GSDMC: variants seen among roughly 807,000 people sequenced by gnomAD.
GSDMC encodes gasdermin C.
GSDMC carries 59 observed loss-of-function variants against 58.0 expected under a neutral mutation model. The ratio of observed to expected loss-of-function variants is 1.02; its 90% CI spans 0.82 to 1.26. GSDMC has a LOEUF of 1.26. GSDMC is among the 50% of genes most tolerant of loss of function. GSDMC has a pLI of 0.00. For synonymous variants in GSDMC, 241 were observed against 220.2 expected, an observed-to-expected ratio of 1.09 and a Z score of -0.83; for missense variants, 659 against 598.5, an observed-to-expected ratio of 1.10 and a Z score of -1.06.
intron 6 of GSDMC, among the ~76,000 whole-genome samples, chr8:129,758,637 T>C (rs1339649778): frequency 2.0e-5 from 3 of 152,012 alleles, no homozygotes; most frequent in East Asian, 1.9e-4. Context: ...AAATAAAACA[T>C]CTAGGAATTA....
intron 9 of GSDMC, 52 bp downstream of exon 9, chr8:129,751,810 C>A: frequency 1.9e-6 from 3 of 1,559,010 alleles, no homozygotes; most frequent in Non-Finnish European, 1.8e-6. Flanking sequence ...CTACTTACCC[C>A]ATGTGTGCAG....
chr8:129,707,618 A>C, the GSDMC span, among the ~76,000 whole-genome samples: 1 of 152,198 alleles, frequency 6.6e-6, no homozygotes, highest in Non-Finnish European at 1.5e-5. Flanking sequence ...AGAACAATGG[A>C]AACAGCTCAA....
chr8:129,740,530 G>A, the GSDMC span, among the ~76,000 whole-genome samples: 1 of 152,054 alleles, frequency 6.6e-6, no homozygotes, highest in Non-Finnish European at 1.5e-5. Flanking sequence ...GCTGTCTATA[G>A]TATTCAGTAC....
the GSDMC span, among the ~76,000 whole-genome samples, chr8:129,739,247 T>C: frequency 6.6e-6 from 1 of 152,128 alleles, no homozygotes; most frequent in Non-Finnish European, 1.5e-5. Context: ...AAGTATGCCA[T>C]GTGGCTGGAG....
rs780326163 is a variant in GSDMC, at chr8:129,752,132, T to C, written c.860A>G (p.Gln287Arg). ...TGGCAAATGCCCGCTCAAAAATTGCTGTGTCAGAAATAGCTCTGGAAAGAG... is the reference window on the plus strand; with the variant it reads ...TGGCAAATGCCCGCTCAAAAATTGCCGTGTCAGAAATAGCTCTGGAAAGAG... ...MKLKPELFLT[Q>R]QFLSGHLPKY... The change falls in exon 8 of 14, where the codon CAG (glutamine) becomes CGG (arginine). Residue 287 changes from glutamine to arginine, a missense_variant. Gln to Arg is a conservative substitution (Grantham distance 43, BLOSUM62 1). Coordinates refer to ENST00000276708, the MANE Select transcript of GSDMC (RefSeq NM_031415.3). 6.2e-7 allele frequency: 1 copy of C among 1,613,462 alleles called. No individual in the cohort carries two copies. The highest frequency in any genetic ancestry group is 1.7e-5 in the Admixed American group (1 of 60,008).
At chr8:129,721,687 C>A in the GSDMC span, among the ~76,000 whole-genome samples, 3 of 152,156 alleles carry the variant, frequency 2.0e-5, no homozygotes, top group Non-Finnish European at 4.4e-5. Context: ...ATATCACTCT[C>A]CATATTACTG....
At chr8:129,774,413 C>T (rs2034157127) in intron 3 of GSDMC, among the ~76,000 whole-genome samples, 1 of 151,722 alleles carries the variant, frequency 6.6e-6, no homozygotes, top group Admixed American at 6.6e-5. Flanking sequence ...AGATTAGAAA[C>T]CTGAATATAA....
intron 1 of GSDMC, among the ~76,000 whole-genome samples, chr8:129,780,937 TG>T (rs2034388300): frequency 3.1e-5 from 2 of 65,222 alleles, no homozygotes; most frequent in Admixed American, 4.0e-4. Flanking sequence ...TGTTTGTGTT[TG>T]TTTGTTTATG....
the GSDMC span, among the ~76,000 whole-genome samples, chr8:129,717,481 T>G: frequency 6.6e-6 from 1 of 151,992 alleles, no homozygotes; most frequent in Non-Finnish European, 1.5e-5. Context: ...AAGGAACTCT[T>G]CAAGGAGAAC....
intron 1 of GSDMC, among the ~76,000 whole-genome samples, chr8:129,781,950 C>T (rs556916577): frequency 3.7e-4 from 56 of 152,152 alleles, no homozygotes; most frequent in African/African-American, 3.4e-4. Context: ...CATTCTCAAG[C>T]GTAGACCATA....
At chr8:129,725,799 A>G in the GSDMC span, among the ~76,000 whole-genome samples, 2 of 152,210 alleles carry the variant, frequency 1.3e-5, no homozygotes, top group African/African-American at 4.8e-5. Context: ...AAGATTTTGA[A>G]TTATTTACCG....
At chr8:129,752,036 C>T (rs905746607) in intron 8 of GSDMC, 70 bp downstream of exon 8, 6 of 1,483,044 alleles carry the variant, frequency 4.0e-6, no homozygotes, top group Non-Finnish European at 5.7e-6. Flanking sequence ...TGGGTAATAG[C>T]ACCAAAGGCA....
intron 6 of GSDMC, 77 bp from the exon 7 acceptor site, chr8:129,752,897 G>C (rs948416684): frequency 1.9e-6 from 3 of 1,599,336 alleles, no homozygotes; most frequent in Non-Finnish European, 2.6e-6. Flanking sequence ...GCAGAGAGCA[G>C]AGCCAGGCTG....
intron 5 of GSDMC, among the ~76,000 whole-genome samples, chr8:129,762,169 T>G (rs923794871): frequency 6.6e-6 from 1 of 152,156 alleles, no homozygotes; most frequent in Non-Finnish European, 1.5e-5. Flanking sequence ...TAGATAAAAT[T>G]CTGACTTATG....
Position 129,748,590 on chromosome 8 carries a change from G to A in GSDMC, c.1438C>T (p.Pro480Ser), listed in dbSNP as rs755612165. Residue 480 changes from proline (P) to serine (S), a missense_variant, in exon 14 of 14, where the codon CCC (proline) becomes TCC (serine). Transcript: ENST00000276708. Reference protein sequence around the residue: ...ECGLRMELDNPRSTWDVEAKM... With the variant: ...ECGLRMELDNSRSTWDVEAKM... ...GCTTCTACATCCCAGGTTGACCTGGGGTTATCCAGCTCCATCCTAAGGCCA... is the reference window on the plus strand; with the variant it reads ...GCTTCTACATCCCAGGTTGACCTGGAGTTATCCAGCTCCATCCTAAGGCCA... 2.5e-5 allele frequency: 40 copies of A among 1,613,606 alleles called. No homozygotes were observed. In the South Asian group the frequency reaches 4.2e-4, roughly 17 times the overall value.
Position 129,763,572 on chromosome 8 carries a change from C to T in GSDMC, c.571-841G>A, listed in dbSNP as rs76341454. Among the ~76,000 whole-genome samples, 648 of 152,156 alleles carry T rather than the reference C, an allele frequency of 4.3e-3. 9 individuals carry two copies. The highest frequency in any genetic ancestry group is 0.015 in the African/African-American group (616 of 41,524). On this transcript the variant is annotated intron_variant, in intron 4 of 13. Transcript: ENST00000276708. The stretch of plus-strand genomic sequence containing the variant: ...GAGTAGTTAAATCTCCTCGACTGAT[C>T]CTCAAGTTTTGTTGTTTTAATTGAG...
At chr8:129,769,191 G>A (rs1335874046) in intron 3 of GSDMC, among the ~76,000 whole-genome samples, 2 of 151,972 alleles carry the variant, frequency 1.3e-5, no homozygotes, top group East Asian at 3.9e-4. Context: ...TTCCCAAATA[G>A]GTCGAACCCA....
chr8:129,742,600 C>T, the GSDMC span, among the ~76,000 whole-genome samples: 1 of 152,216 alleles, frequency 6.6e-6, no homozygotes, highest in South Asian at 2.1e-4. Context: ...AGACTCTCAC[C>T]TTCATCCATT....
chr8:129,751,663 C>A, intron 9 of GSDMC, 95 bp from the exon 10 acceptor site: 2 of 1,226,898 alleles, frequency 1.6e-6, no homozygotes, highest in African/African-American at 3.0e-5. Context: ...CCACCTCCTC[C>A]CTCTTACTCA....
Sources: allele counts gnomAD v4.1 joint callset (sites outside exome capture counted in the v4.1 genomes callset), GRCh38; gene constraint gnomAD v4.1.1; transcripts MANE v1.5; gene names NCBI Gene and HGNC (gene_info 2026-07-23, HGNC 2026-07-21).